Variants in KRT78 observed in about 807,000 individuals in gnomAD.
KRT78 encodes keratin, type II cytoskeletal 78.
Under a neutral mutation model 51.4 loss-of-function variants are expected in KRT78, and 55 were observed. The ratio of observed to expected loss-of-function variants is 1.07; its 90% CI spans 0.86 to 1.34. The LOEUF is 1.34. Among genes scored for constraint, KRT78 ranks in the 40% most tolerant of loss-of-function variants. KRT78 has a pLI of 0.00. For missense variants in KRT78, 652 were observed against 649.4 expected, an observed-to-expected ratio of 1.00 and a Z score of -0.04; for synonymous variants, 291 against 264.3, an observed-to-expected ratio of 1.10 and a Z score of -0.98.
At chr12:52,840,776 G>T (rs999123397) in intron 6 of KRT78, among the ~76,000 whole-genome samples, 4 of 152,174 alleles carry the variant, frequency 2.6e-5, no homozygotes, top group South Asian at 2.1e-4. Context: ...ATGCCAAGGA[G>T]CTCCTGAAGC....
chr12:52,848,469 T>A, intron 1 of KRT78, 78 bp downstream of exon 1: 1 of 1,570,368 alleles, frequency 6.4e-7, no homozygotes, highest in Non-Finnish European at 8.6e-7. Flanking sequence ...GAGGCCAAAC[T>A]TCCCATTTCC....
chr12:52,843,104 C>A (rs1257012370), intron 6 of KRT78, among the ~76,000 whole-genome samples: 1 of 151,446 alleles, frequency 6.6e-6, no homozygotes, highest in African/African-American at 2.4e-5. Context: ...CAGTGGCTCA[C>A]GACTGTAATC....
At position 52,844,206 on chromosome 12, in the gene KRT78, G is replaced by A; in HGVS notation, c.934C>T (p.Gln312Ter). ...ALYQTKYQEL[Q>*]VSAQLHGDRM... ...TCCCCATGAAGCTGGGCAGACACCT[G>A]AAGTTCCTGGTACTGAGAGGGGAAC... Residue 312 changes from glutamine to a stop codon, truncating the protein, a stop_gained, in exon 6 of 9, where the codon CAG (glutamine) becomes TAG (stop). Transcript: ENST00000304620. LOFTEE classifies it high-confidence loss of function. 1 of 1,602,012 alleles carries A rather than the reference G, an allele frequency of 6.2e-7. No homozygotes were observed.
chr12:52,848,748 C>A lies in KRT78; in HGVS notation c.183G>T (p.Arg61Ser). ...SRGSTWGSGG[R>S]LGVRFGEWSG... is the part of the protein sequence containing the mutation. ...TCCACTCCCCAAACCGCACCCCCAGCCTACCCCCTGACCCCCAGGTACTCC... is the reference window on the plus strand; with the variant it reads ...TCCACTCCCCAAACCGCACCCCCAGACTACCCCCTGACCCCCAGGTACTCC... Residue 61 changes from arginine to serine, a missense_variant, in exon 1 of 9, where the codon AGG becomes AGT. Coordinates refer to ENST00000304620, the MANE Select transcript of KRT78 (RefSeq NM_173352.4). The A allele has an allele frequency of 6.2e-7, 1 of 1,609,538 alleles. No homozygotes were observed. The highest frequency in any genetic ancestry group is 1.7e-5 in the Admixed American group (1 of 59,532).
At position 52,846,800 on chromosome 12, in the gene KRT78, AC is replaced by A. The variant is rs1565701234; in HGVS notation, c.623del (p.Arg208LeufsTer20). The A allele has an allele frequency of 1.2e-6, 2 of 1,613,508 alleles. No individual in the cohort carries two copies. Among genetic ancestry groups the A allele is most frequent in the Admixed American group, 1.7e-5 (1 of 59,920 alleles). On this transcript the variant is annotated frameshift_variant, in exon 3 of 9. Coordinates refer to ENST00000304620, the MANE Select transcript of KRT78 (RefSeq NM_173352.4). LOFTEE classifies it high-confidence loss of function. ...CCACAAAGTCGTTCTCAAGTGTGGC[AC>A]GCCTGTGGGCCTCCTCCTCATACCT... is the stretch of plus-strand genomic sequence containing the variant. Reference protein sequence around the residue: ...KSKYEEEAHRRATLENDFVVL... With the variant: ...KSKYEEEAHRXATLENDFVVL...
In KRT78 at chr12:52,838,952, G is replaced by C. The variant is rs2120376584; in HGVS notation, c.*161C>G. 10 of 811,210 alleles carry C rather than the reference G, an allele frequency of 1.2e-5. No homozygotes were observed. Among genetic ancestry groups the C allele is most frequent in the South Asian group, 9.0e-5 (5 of 55,392 alleles). 50.3% of individuals were successfully genotyped at this position (811,210 alleles called of 1,614,324 possible). A position where few individuals can be genotyped will look rare whatever the true frequency, so the allele number is the denominator to read the frequency against. On this transcript the variant is annotated 3_prime_UTR_variant, in exon 9 of 9. Transcript: ENST00000304620. ...GCTGGGTGAGGTGTGCAAGCACTTA[G>C]AGCATTCAGAACAGCAGGAGGGGAG...
In KRT78 at chr12:52,844,104, G is replaced by C; in HGVS notation, c.1036C>G (p.Leu346Val). The C allele has an allele frequency of 8.1e-6, 13 of 1,612,936 alleles. No homozygotes were observed. The highest frequency in any genetic ancestry group is 1.1e-5 in the Non-Finnish European group (13 of 1,179,608). ...CTCTGGGAATCTACCTGCTTCTTGA[G>C]GTTCTCAGTCTGACTCTGCAGCCTC... Reference protein sequence around the residue: ...IQRLQSQTENLKKQNASLQAA... With the variant: ...IQRLQSQTENVKKQNASLQAA... Residue 346 changes from leucine to valine, a missense_variant, in exon 6 of 9, where the codon CTC (leucine) becomes GTC (valine). Physicochemically the swap from Leu to Val is conservative, Grantham distance 32. Coordinates refer to ENST00000304620, the MANE Select transcript of KRT78 (RefSeq NM_173352.4).
rs78222845 is a variant in KRT78, at chr12:52,841,326, A to T, written c.1048-1342T>A. The stretch of plus-strand genomic sequence containing the variant: ...GCGAAACCCTGTCTCTACTAAAAAT[A>T]AAAAAAAAAAATTAGCCGGGCATGG... On this transcript the variant is annotated intron_variant, in intron 6 of 8. Transcript: ENST00000304620. 3.0e-3 allele frequency among the ~76,000 whole-genome samples: 335 copies of T among 111,584 alleles called. 1 individual carries two copies. Among genetic ancestry groups the T allele is most frequent in the African/African-American group, 0.018 (280 of 15,204 alleles). 73.2% of individuals were successfully genotyped at this position (111,584 alleles called of 152,430 possible).
chr12:52,846,876 A>C, intron 2 of KRT78, 52 bp from the exon 3 acceptor site: 98 of 1,400,902 alleles, frequency 7.0e-5, no homozygotes, highest in Non-Finnish European at 9.0e-5. Flanking sequence ...GTCAGAGCTC[A>C]TGCCCCCATG....
chr12:52,845,760 C>G (rs1273599924), intron 4 of KRT78, among the ~76,000 whole-genome samples: 1 of 152,108 alleles, frequency 6.6e-6, no homozygotes, highest in Non-Finnish European at 1.5e-5. Flanking sequence ...TCAAGACCAG[C>G]CTAGCTAAGA....
chr12:52,844,023 C>A (rs1940579248), intron 6 of KRT78, 70 bp downstream of exon 6: 1 of 1,580,596 alleles, frequency 6.3e-7, no homozygotes, highest in Non-Finnish European at 8.6e-7. Context: ...GAGAGAGAAG[C>A]TAGGAACTGG....
At chr12:52,844,785 G>A (rs1940602705) in intron 4 of KRT78, 62 bp from the exon 5 acceptor site, 2 of 1,494,706 alleles carry the variant, frequency 1.3e-6, no homozygotes, top group East Asian at 2.3e-5. Flanking sequence ...TGAAGCCTAG[G>A]ATGGTTGAGC....
At position 52,839,867 on chromosome 12, in the gene KRT78, G is replaced by C. The variant is rs1353595997; in HGVS notation, c.1165C>G (p.Leu389Val). The C allele has an allele frequency of 1.2e-6, 2 of 1,614,032 alleles. No homozygotes were observed. The highest frequency in any genetic ancestry group is 3.3e-5 in the Admixed American group (2 of 60,012). The change falls in exon 7 of 9, where the codon CTG becomes GTG. Residue 389 changes from leucine to valine, a missense_variant. By Grantham distance (32) the Leu-to-Val change is conservative. Coordinates refer to ENST00000304620, the MANE Select transcript of KRT78 (RefSeq NM_173352.4). Reference sequence around the variant, plus strand: ...TGGTACTCGCACAGCAGCCGGGCCAGGTTCTGCTTGGCCATCCTCAGAGCA... The same window carrying C: ...TGGTACTCGCACAGCAGCCGGGCCACGTTCTGCTTGGCCATCCTCAGAGCA... ...EAALRMAKQN[L>V]ARLLCEYQEL...
intron 1 of KRT78, 40 bp from the exon 2 acceptor site, chr12:52,848,161 C>T (rs1940691229): frequency 1.2e-6 from 2 of 1,601,172 alleles, no homozygotes; most frequent in Non-Finnish European, 8.5e-7. Flanking sequence ...TCCTGTGGGA[C>T]TCCCTGTGCA....
rs1022221517 is a variant in KRT78 at position 52,847,793 on chromosome 12, G to A, written c.599+114C>T. On this transcript the variant is annotated intron_variant, in intron 2 of 8. Transcript: ENST00000304620. ...GGGGACGCGGAGGGGTAGAGGGGAGGCCAGTCATGTGCCTCTGGGTGCTCA... is the reference window on the plus strand; with the variant it reads ...GGGGACGCGGAGGGGTAGAGGGGAGACCAGTCATGTGCCTCTGGGTGCTCA... 7.0e-6 allele frequency: 6 copies of A among 851,080 alleles called. No individual in the cohort carries two copies. In the African/African-American group the frequency reaches 1.0e-4, roughly 14 times the overall value. The allele number at this position is 851,080 out of a possible 1,614,324, so 52.7% of individuals were successfully genotyped here.
In KRT78 at chr12:52,838,936, G is replaced by A; in HGVS notation, c.*177C>T. The A allele has an allele frequency of 1.4e-6, 1 of 713,374 alleles. No individual in the cohort carries two copies. Among genetic ancestry groups the A allele is most frequent in the Non-Finnish European group, 2.3e-6 (1 of 438,880 alleles). The allele number at this position is 713,374 out of a possible 1,614,324, so 44.2% of individuals were successfully genotyped here. A position where few individuals can be genotyped will look rare whatever the true frequency, so the allele number is the denominator to read the frequency against. ...ACACAGCTTTTGTTTTGCTGGGTGAGGTGTGCAAGCACTTAGAGCATTCAG... is the reference window on the plus strand; with the variant it reads ...ACACAGCTTTTGTTTTGCTGGGTGAAGTGTGCAAGCACTTAGAGCATTCAG... On this transcript the variant is annotated 3_prime_UTR_variant, in exon 9 of 9. Transcript: ENST00000304620.
Position 52,839,460 on chromosome 12 carries a change from G to A in KRT78, c.1296C>T (p.Val432=). ...CRMSGECTSQ[V]TISSVGGSAV... ...AAGTCCCCTGATACTCACAGATAGT[G>A]ACCTGGCTGGTGCACTCCCCAGACA... Residue 432 remains valine, a synonymous_variant, in exon 8 of 9, where the codon GTC becomes GTT. Coordinates refer to ENST00000304620, the MANE Select transcript of KRT78 (RefSeq NM_173352.4). 6.2e-7 allele frequency: 1 copy of A among 1,607,008 alleles called. No individual in the cohort carries two copies. Among genetic ancestry groups the A allele is most frequent in the South Asian group, 1.1e-5 (1 of 89,690 alleles).
At chr12:52,845,836 C>T (rs1007361767) in intron 4 of KRT78, among the ~76,000 whole-genome samples, 3 of 151,934 alleles carry the variant, frequency 2.0e-5, no homozygotes, top group African/African-American at 7.3e-5. Context: ...TGCCTGTAAT[C>T]CCACCTACTT....
At position 52,844,135 on chromosome 12, in the gene KRT78, C is replaced by A; in HGVS notation, c.1005G>T (p.Glu335Asp). The A allele has an allele frequency of 1.2e-6, 2 of 1,612,768 alleles. No individual in the cohort carries two copies. Among genetic ancestry groups the A allele is most frequent in the Non-Finnish European group, 1.7e-6 (2 of 1,179,664 alleles). ...CAGTCTGACTCTGCAGCCTCTGAAT[C>A]TCTTGGTGTAGCTGAGAGATCTGGA... ...TKVQISQLHQ[E>D]IQRLQSQTEN... The change falls in exon 6 of 9, where the codon GAG becomes GAT. Residue 335 changes from glutamate to aspartate, a missense_variant. By Grantham distance (45) the Glu-to-Asp change is conservative (BLOSUM62 2). Coordinates refer to ENST00000304620, the MANE Select transcript of KRT78 (RefSeq NM_173352.4).
Sources: allele counts gnomAD v4.1 joint callset (sites outside exome capture counted in the v4.1 genomes callset), GRCh38; gene constraint gnomAD v4.1.1; transcripts MANE v1.5; gene names NCBI Gene and HGNC (gene_info 2026-07-23, HGNC 2026-07-21).